Variants in CNTNAP5 observed in about 807,000 individuals in gnomAD.
CNTNAP5 encodes contactin associated protein family member 5.
In CNTNAP5, 72 loss-of-function variants were observed where a neutral mutation model predicts 150.2. That is an observed-to-expected ratio of 0.48 (90% CI 0.40 to 0.58). The LOEUF (loss-of-function observed/expected upper bound fraction) is 0.58. Among genes scored for constraint, CNTNAP5 ranks in the 20% least tolerant of loss-of-function variants. CNTNAP5 has a pLI of 0.00. For missense variants in CNTNAP5, 1,636 were observed against 1,626.2 expected, an observed-to-expected ratio of 1.01 and a Z score of -0.10; for synonymous variants, 672 against 619.8, an observed-to-expected ratio of 1.08 and a Z score of -1.25.
At chr2:124,163,046 C>T (rs1684723982) in intron 1 of CNTNAP5, among the ~76,000 whole-genome samples, 1 of 152,094 alleles carries the variant, frequency 6.6e-6, no homozygotes, top group African/African-American at 2.4e-5. Flanking sequence ...GTAACTGGTA[C>T]ATTCTTGAAC....
At chr2:124,843,947 C>A (rs997133622) in intron 19 of CNTNAP5, among the ~76,000 whole-genome samples, 5 of 152,008 alleles carry the variant, frequency 3.3e-5, no homozygotes, top group Admixed American at 1.3e-4. Context: ...TTTTCTCCCA[C>A]TCTGGGTTTT....
intron 13 of CNTNAP5, among the ~76,000 whole-genome samples, chr2:124,709,068 A>C (rs1481700966): frequency 2.0e-5 from 3 of 151,982 alleles, no homozygotes; most frequent in Non-Finnish European, 4.4e-5. Context: ...AGTATCTAGC[A>C]CCATTTGTAT....
In CNTNAP5 at chr2:124,916,028, G is replaced by T. The variant is rs768820770; in HGVS notation, c.*1740G>T. 5.3e-4 allele frequency among the ~76,000 whole-genome samples: 81 copies of T among 151,968 alleles called. No homozygotes were observed. The highest frequency in any genetic ancestry group is 1.0e-3 in the Non-Finnish European group (68 of 67,946). ...TTGTGCTTAGGGTACACTGTCTCTC[G>T]CCTCTCACAATGAGGAACTTAGTTG... On this transcript the variant is annotated 3_prime_UTR_variant, in exon 24 of 24. Coordinates refer to ENST00000682447, the MANE Select transcript of CNTNAP5 (RefSeq NM_001367498.1).
intron 3 of CNTNAP5, among the ~76,000 whole-genome samples, chr2:124,334,119 G>C (rs1864467): frequency 0.57 from 86,762 of 151,866 alleles, 25,201 homozygotes; most frequent in African/African-American, 0.66. Flanking sequence ...AGGCTGAGGA[G>C]CCCAAAAATG....
chr2:124,194,405 AT>A (rs1685533038), intron 1 of CNTNAP5, among the ~76,000 whole-genome samples: 628 of 6,058 alleles, frequency 0.1, 6 homozygotes, highest in South Asian at 0.18. Flanking sequence ...ATATATATAT[AT>A]ATATAAATAT....
chr2:124,270,113 C>T (rs1330258386), intron 3 of CNTNAP5, among the ~76,000 whole-genome samples: 1 of 152,010 alleles, frequency 6.6e-6, no homozygotes, highest in African/African-American at 2.4e-5. Flanking sequence ...GTCAAGAGTT[C>T]CAGACCAGCC....
intron 1 of CNTNAP5, among the ~76,000 whole-genome samples, chr2:124,140,261 G>A (rs1485058605): frequency 1.1e-4 from 16 of 151,080 alleles, no homozygotes; most frequent in African/African-American, 3.9e-4. Context: ...AAGCAGCCGG[G>A]AAGCTCCAAC....
chr2:124,871,550 G>A (rs978093406), intron 21 of CNTNAP5, among the ~76,000 whole-genome samples: 1 of 151,928 alleles, frequency 6.6e-6, no homozygotes, highest in African/African-American at 2.4e-5. Context: ...AATGCTAAAA[G>A]CCAGGACTTT....
intron 13 of CNTNAP5, among the ~76,000 whole-genome samples, chr2:124,657,229 T>C (rs747605698): frequency 4.6e-5 from 7 of 152,120 alleles, no homozygotes; most frequent in Non-Finnish European, 1.0e-4. Flanking sequence ...ACTTATGGCA[T>C]TTACCTACTC....
chr2:124,103,541 C>T (rs1215549135), intron 1 of CNTNAP5, among the ~76,000 whole-genome samples: 1 of 151,672 alleles, frequency 6.6e-6, no homozygotes, highest in Non-Finnish European at 1.5e-5. Flanking sequence ...GTTACTATAC[C>T]TTTTCCATGT....
At chr2:124,790,303 G>T (rs1440900662) in intron 18 of CNTNAP5, among the ~76,000 whole-genome samples, 162 bp downstream of exon 18, 1 of 152,104 alleles carries the variant, frequency 6.6e-6, no homozygotes, top group Non-Finnish European at 1.5e-5. Context: ...ATACTTATTG[G>T]TATTACATGT....
intron 1 of CNTNAP5, among the ~76,000 whole-genome samples, chr2:124,100,194 C>T (rs565810796): frequency 2.6e-5 from 4 of 152,142 alleles, no homozygotes; most frequent in South Asian, 2.1e-4. Context: ...GGCGGAGGGG[C>T]GACACATTTT....
chr2:124,822,001 A>G (rs1053842233), intron 19 of CNTNAP5, among the ~76,000 whole-genome samples: 30 of 152,162 alleles, frequency 2.0e-4, no homozygotes, highest in African/African-American at 7.0e-4. Context: ...GTCCCATCCT[A>G]TATTTACTGA....
chr2:124,309,552 T>C (rs1229575135), intron 3 of CNTNAP5, among the ~76,000 whole-genome samples: 2 of 152,208 alleles, frequency 1.3e-5, no homozygotes, highest in African/African-American at 4.8e-5. Context: ...AGGTAGATAA[T>C]TTCCCAACTT....
chr2:124,717,289 C>G (rs1218154999), intron 13 of CNTNAP5, among the ~76,000 whole-genome samples: 1 of 152,156 alleles, frequency 6.6e-6, no homozygotes, highest in Non-Finnish European at 1.5e-5. Flanking sequence ...TCCTTTCCAC[C>G]CTATGAACGG....
At chr2:124,766,404 C>T (rs199762547) in intron 16 of CNTNAP5, among the ~76,000 whole-genome samples, 2 of 125,034 alleles carry the variant, frequency 1.6e-5, no homozygotes, top group East Asian at 2.4e-4. Context: ...GAAAAGGAGA[C>T]AAAAAAAAAA....
At chr2:124,406,648 G>T (rs1420576881) in intron 3 of CNTNAP5, among the ~76,000 whole-genome samples, 1 of 152,058 alleles carries the variant, frequency 6.6e-6, no homozygotes, top group African/African-American at 2.4e-5. Context: ...ATCAAGTCAG[G>T]GTATTTGGGA....
intron 17 of CNTNAP5, among the ~76,000 whole-genome samples, chr2:124,788,689 C>T (rs1258872880): frequency 3.3e-5 from 5 of 151,482 alleles, no homozygotes; most frequent in Non-Finnish European, 1.5e-5. Context: ...TAGCCTCCGC[C>T]TCCCCGGTTC....
intron 11 of CNTNAP5, among the ~76,000 whole-genome samples, chr2:124,584,648 A>C (rs893702652): frequency 2.6e-5 from 4 of 152,216 alleles, no homozygotes; most frequent in Non-Finnish European, 5.9e-5. Flanking sequence ...TGCAAATGCA[A>C]AAATGTTTAT....
Sources: gnomAD v4.1 joint callset for allele counts (sites outside exome capture counted in the v4.1 genomes callset) on GRCh38, gnomAD v4.1.1 for gene constraint, MANE v1.5 for transcripts, NCBI Gene and HGNC (gene_info 2026-07-23, HGNC 2026-07-21) for gene names.